FAIM2: variants seen among roughly 807,000 people sequenced by gnomAD.
FAIM2 encodes the protein Fas apoptotic inhibitory molecule 2.
FAIM2 carries 27 observed loss-of-function variants against 47.4 expected under a neutral mutation model. That is an observed-to-expected ratio of 0.57 (90% CI 0.42 to 0.78). The LOEUF (loss-of-function observed/expected upper bound fraction) is 0.78, where lower values mean the gene tolerates loss of function less well. FAIM2 is among the 30% of genes least tolerant of loss of function. The pLI is 0.00. For missense variants in FAIM2, 311 were observed against 389.4 expected, an observed-to-expected ratio of 0.80 and a Z score of 1.69; for synonymous variants, 156 against 159.3, an observed-to-expected ratio of 0.98 and a Z score of 0.16.
chr12:49,890,462 T>G (rs1468896764), intron 7 of FAIM2, among the ~76,000 whole-genome samples: 3 of 151,976 alleles, frequency 2.0e-5, no homozygotes, highest in African/African-American at 4.8e-5. Flanking sequence ...AAATTCACAA[T>G]GAAAAAAGAC....
At chr12:49,899,348 G>C (rs922843864) in intron 2 of FAIM2, among the ~76,000 whole-genome samples, 1 of 152,136 alleles carries the variant, frequency 6.6e-6, no homozygotes, top group African/African-American at 2.4e-5. Context: ...AGTAGCCTCT[G>C]TCTTGGTCTT....
chr12:49,899,627 T>G (rs1946967461), intron 2 of FAIM2, among the ~76,000 whole-genome samples: 1 of 152,204 alleles, frequency 6.6e-6, no homozygotes, highest in Non-Finnish European at 1.5e-5. Context: ...CTCATGCCTA[T>G]CCTTTGGGAC....
At chr12:49,884,180 T>C (rs1005926058) in intron 11 of FAIM2, among the ~76,000 whole-genome samples, 16 of 150,934 alleles carry the variant, frequency 1.1e-4, no homozygotes, top group Non-Finnish European at 2.1e-4. Flanking sequence ...GTGGAAATCA[T>C]GCCACTGCAC....
intron 2 of FAIM2, among the ~76,000 whole-genome samples, chr12:49,899,692 G>C (rs1032112043): frequency 6.6e-6 from 1 of 152,198 alleles, no homozygotes; most frequent in Non-Finnish European, 1.5e-5. Flanking sequence ...AGGTGGGTTA[G>C]GTAAGGTGCT....
intron 11 of FAIM2, among the ~76,000 whole-genome samples, chr12:49,880,229 CAT>C (rs1362011534): frequency 7.5e-6 from 1 of 134,020 alleles, no homozygotes; most frequent in Non-Finnish European, 1.6e-5. Context: ...TATGTGCATG[CAT>C]GTGTGTATGT....
chr12:49,877,946 G>A (rs1374170321), intron 11 of FAIM2, among the ~76,000 whole-genome samples: 1 of 151,116 alleles, frequency 6.6e-6, no homozygotes, highest in African/African-American at 2.5e-5. Flanking sequence ...GTGTGTATAT[G>A]TGCGTATGTG....
rs758363486 is a variant in FAIM2 at position 49,889,453 on chromosome 12, G to T, written c.651+28C>A. 8.1e-6 allele frequency: 13 copies of T among 1,599,178 alleles called. No individual in the cohort carries two copies. In the South Asian group the frequency reaches 1.3e-4, roughly 16 times the overall value. ...TCCCCTGCTCAGCCTCAGGCCAGGG[G>T]TCCCTGCCTGCAGGCCCCAGAGCTG... On this transcript the variant is annotated intron_variant, in intron 9 of 11. Transcript: ENST00000320634.
At chr12:49,878,518 A>G (rs1946762981) in intron 11 of FAIM2, among the ~76,000 whole-genome samples, 1 of 59,448 alleles carries the variant, frequency 1.7e-5, no homozygotes, top group Non-Finnish European at 3.0e-5. Flanking sequence ...ATGTGTGCAT[A>G]TGACTGTGTA....
intron 11 of FAIM2, among the ~76,000 whole-genome samples, chr12:49,879,366 G>C (rs1946781703): frequency 6.6e-6 from 1 of 151,334 alleles, no homozygotes; most frequent in South Asian, 2.1e-4. Context: ...GCATGTGTGT[G>C]CATGTGTGTA....
chr12:49,885,427 C>G (rs1249239015), intron 11 of FAIM2, among the ~76,000 whole-genome samples: 1 of 152,212 alleles, frequency 6.6e-6, no homozygotes, highest in African/African-American at 2.4e-5. Context: ...CTAGCTCTCC[C>G]GAATGTGGCC....
intron 11 of FAIM2, among the ~76,000 whole-genome samples, chr12:49,883,643 T>A (rs417644): frequency 0.13 from 19,452 of 152,082 alleles, 1,303 homozygotes; most frequent in African/African-American, 0.17. Flanking sequence ...AGAGTAATCA[T>A]CATAAAATAT....
chr12:49,901,203 C>G lies in FAIM2; in HGVS notation c.138G>C (p.Gly46=). 1 of 1,611,444 alleles carries G rather than the reference C, an allele frequency of 6.2e-7. No homozygotes were observed. The highest frequency in any genetic ancestry group is 8.5e-7 in the Non-Finnish European group (1 of 1,178,892). The part of the protein sequence containing the change: ...PSYEEATSGE[G]MKAGAFPPAP... ...CTGGGGGGAAGGCCCCTGCCTTCAT[C>G]CCCTCCCCAGAGGTGGCTTCCTCAT... is the stretch of plus-strand genomic sequence containing the variant. The change falls in exon 2 of 12, where the codon GGG becomes GGC. Residue 46 remains glycine (G), a synonymous_variant. Coordinates refer to ENST00000320634, the MANE Select transcript of FAIM2 (RefSeq NM_012306.4).
At chr12:49,880,181 CATGTGTGTATATGTGCATGTGTG>C (rs1946801565) in intron 11 of FAIM2, among the ~76,000 whole-genome samples, 4 of 120,448 alleles carry the variant, frequency 3.3e-5, no homozygotes, top group African/African-American at 9.7e-5. Flanking sequence ...TGTGTGTATG[CATGTGTGTATATGTGCATGTGTG>C]TGTGCATGTG....
intron 11 of FAIM2, among the ~76,000 whole-genome samples, chr12:49,878,940 G>A (rs747374055): frequency 2.9e-5 from 4 of 136,680 alleles, no homozygotes; most frequent in Non-Finnish European, 1.6e-5. Context: ...GTGCATGCAT[G>A]TGTGTATGTT....
chr12:49,900,493 T>A (rs1450345348), intron 2 of FAIM2, among the ~76,000 whole-genome samples: 1 of 152,124 alleles, frequency 6.6e-6, no homozygotes, highest in East Asian at 1.9e-4. Flanking sequence ...TGCAGGAATC[T>A]GGCATCCACC....
At chr12:49,901,051 AC>A (rs1946977930) in intron 2 of FAIM2, 78 bp downstream of exon 2, 2 of 1,156,664 alleles carry the variant, frequency 1.7e-6, no homozygotes, top group South Asian at 3.2e-5. Context: ...TTTCTGGACA[AC>A]TTCCTCCTAC....
intron 11 of FAIM2, among the ~76,000 whole-genome samples, chr12:49,878,869 TGTGA>T (rs371308480): frequency 0.62 from 68,922 of 110,752 alleles, 25,915 homozygotes; most frequent in African/African-American, 0.74. Context: ...TGTCTGTGCA[TGTGA>T]GTGTGTATGC....
At chr12:49,903,221 A>G (rs1946993483) in intron 1 of FAIM2, among the ~76,000 whole-genome samples, 1 of 152,244 alleles carries the variant, frequency 6.6e-6, no homozygotes, top group South Asian at 2.1e-4. Flanking sequence ...GCCAAAACCA[A>G]AACAACAATT....
At chr12:49,890,801 G>A (rs1946894911) in intron 6 of FAIM2, 79 bp from the exon 7 acceptor site, 1 of 1,287,382 alleles carries the variant, frequency 7.8e-7, no homozygotes, top group African/African-American at 1.5e-5. Context: ...GTTGCAGGGA[G>A]GGGGTCTCTG....
Sources: gnomAD v4.1 joint callset for allele counts (sites outside exome capture counted in the v4.1 genomes callset) on GRCh38, gnomAD v4.1.1 for gene constraint, MANE v1.5 for transcripts, NCBI Gene and HGNC (gene_info 2026-07-23, HGNC 2026-07-21) for gene names.